HIVEP1: variants seen among roughly 807,000 people sequenced by gnomAD.
The protein encoded by HIVEP1 is zinc finger protein 40.
HIVEP1 carries 36 observed loss-of-function variants against 180.0 expected under a neutral mutation model. The ratio of observed to expected loss-of-function variants is 0.20; its 90% CI spans 0.15 to 0.26. The LOEUF (loss-of-function observed/expected upper bound fraction) is 0.26, where lower values mean the gene tolerates loss of function less well. HIVEP1 is among the 10% of genes least tolerant of loss of function. The probability of loss-of-function intolerance (pLI) is 1.00; values close to 1 mark genes in which losing one functional copy is unlikely to be tolerated. For synonymous variants in HIVEP1, 1,239 were observed against 1,239.0 expected, an observed-to-expected ratio of 1.00 and a Z score of 0.00; for missense variants, 3,143 against 3,268.7, an observed-to-expected ratio of 0.96 and a Z score of 0.94.
chr6:12,125,524 A>G lies in HIVEP1; in HGVS notation c.5729A>G (p.Gln1910Arg), dbSNP rs368064322. Residue 1910 changes from glutamine to arginine, a missense_variant, in exon 4 of 9, where the codon CAA becomes CGA. Around this residue, in one of 12 missense-constraint regions of HIVEP1, gnomAD observed 1,357 missense variants for 1,260.5 expected, o/e 1.08. Transcript: ENST00000379388. Reference protein sequence around the residue: ...VKNQGDKVNIQEQSQQPVTSL... With the variant: ...VKNQGDKVNIREQSQQPVTSL... ...AATCAAGGTGACAAAGTGAACATCC[A>G]AGAGCAAAGTCAACAGCCAGTCACT... 2.6e-5 allele frequency: 42 copies of G among 1,614,096 alleles called. No individual in the cohort carries two copies. The highest frequency in any genetic ancestry group is 3.3e-4 in the Middle Eastern group (2 of 6,084).
intron 2 of HIVEP1, among the ~76,000 whole-genome samples, chr6:12,079,088 C>T (rs1437097679): frequency 3.3e-5 from 5 of 152,134 alleles, no homozygotes; most frequent in Non-Finnish European, 7.4e-5. Flanking sequence ...CCATTCGCTA[C>T]ATCAGAAATC....
intron 2 of HIVEP1, among the ~76,000 whole-genome samples, chr6:12,057,225 AG>A (rs1417376081): frequency 2.0e-5 from 3 of 152,190 alleles, no homozygotes; most frequent in South Asian, 4.1e-4. Flanking sequence ...TAATGAATAT[AG>A]ATGCTATTGT....
At chr6:12,202,836 A>T in the HIVEP1 span, among the ~76,000 whole-genome samples, 4 of 152,196 alleles carry the variant, frequency 2.6e-5, no homozygotes, top group Admixed American at 6.5e-5. Context: ...ACGTGTCAGA[A>T]GAGTTACAGT....
intron 3 of HIVEP1, among the ~76,000 whole-genome samples, chr6:12,119,629 T>C (rs1031888621): frequency 1.3e-5 from 2 of 152,244 alleles, no homozygotes; most frequent in African/African-American, 4.8e-5. Context: ...TTCCAGGATG[T>C]TGATTATTCA....
chr6:12,092,907 C>T lies in HIVEP1; in HGVS notation c.94+3670C>T, dbSNP rs555808541. On this transcript the variant is annotated intron_variant, in intron 3 of 8. Coordinates refer to ENST00000379388, the MANE Select transcript of HIVEP1 (RefSeq NM_002114.4). ...GCAGCAAGCTCGTACAGGCTGAACT[C>T]GCAAGCAAAGTGAGAAATCACCTGA... Among the ~76,000 whole-genome samples the T allele has an allele frequency of 9.2e-5, 14 of 152,248 alleles. 1 individual carries two copies. Among genetic ancestry groups the T allele is most frequent in the Admixed American group, 1.3e-4 (2 of 15,286 alleles).
At chr6:12,083,147 AGT>A (rs374085523) in intron 2 of HIVEP1, among the ~76,000 whole-genome samples, 1 of 151,996 alleles carries the variant, frequency 6.6e-6, no homozygotes, top group Non-Finnish European at 1.5e-5. Flanking sequence ...ATGTCTGTCA[AGT>A]GTGTGTGTGT....
chr6:12,105,606 A>G (rs1581690596), intron 3 of HIVEP1, among the ~76,000 whole-genome samples: 1 of 152,368 alleles, frequency 6.6e-6, no homozygotes, highest in South Asian at 2.1e-4. Context: ...TAAGTCCCTT[A>G]TAAAAGTTCT....
At chr6:12,026,847 T>C (rs1217363291) in intron 2 of HIVEP1, among the ~76,000 whole-genome samples, 1 of 152,228 alleles carries the variant, frequency 6.6e-6, no homozygotes, top group Non-Finnish European at 1.5e-5. Context: ...AAGAGTAATA[T>C]GGCTTTGAGC....
At chr6:12,057,896 T>C (rs1480297238) in intron 2 of HIVEP1, among the ~76,000 whole-genome samples, 1 of 152,214 alleles carries the variant, frequency 6.6e-6, no homozygotes, top group Admixed American at 6.5e-5. Flanking sequence ...GGGAAGAACG[T>C]TTAGAGTAGC....
At chr6:12,074,305 A>G (rs1230983418) in intron 2 of HIVEP1, among the ~76,000 whole-genome samples, 1 of 152,194 alleles carries the variant, frequency 6.6e-6, no homozygotes, top group East Asian at 1.9e-4. Flanking sequence ...AGTTGTTAAA[A>G]ATAATTGGAT....
chr6:12,088,255 G>T (rs578124909), intron 2 of HIVEP1, among the ~76,000 whole-genome samples: 1 of 151,996 alleles, frequency 6.6e-6, no homozygotes, highest in Non-Finnish European at 1.5e-5. Context: ...GAGCTGATGC[G>T]TTTATTTAAA....
chr6:12,141,037 TGAGAA>T (rs1431899555), intron 7 of HIVEP1, among the ~76,000 whole-genome samples: 1 of 152,080 alleles, frequency 6.6e-6, no homozygotes, highest in African/African-American at 2.4e-5. Flanking sequence ...AGATACTCCT[TGAGAA>T]GAGCAACCGC....
chr6:12,143,923 G>A (rs190059557), intron 7 of HIVEP1, among the ~76,000 whole-genome samples: 42 of 152,288 alleles, frequency 2.8e-4, no homozygotes, highest in Admixed American at 1.2e-3. Flanking sequence ...CATGCTCATG[G>A]ATAGGAAGAA....
intron 2 of HIVEP1, among the ~76,000 whole-genome samples, chr6:12,072,167 C>T (rs1318011120): frequency 4.0e-5 from 6 of 151,864 alleles, no homozygotes; most frequent in Admixed American, 1.3e-4. Context: ...GACCATGGTG[C>T]TCTGTCCCCT....
At chr6:12,145,462 AC>A (rs1759314052) in intron 7 of HIVEP1, among the ~76,000 whole-genome samples, 1 of 151,386 alleles carries the variant, frequency 6.6e-6, no homozygotes, top group African/African-American at 2.4e-5. Flanking sequence ...GCACATGTAT[AC>A]CCTATGTAAC....
At chr6:12,013,479 A>G (rs2113554851) in intron 1 of HIVEP1, among the ~76,000 whole-genome samples, 1 of 152,296 alleles carries the variant, frequency 6.6e-6, no homozygotes. Context: ...ACAGCTAGGG[A>G]CAGTGGGTAG....
downstream of HIVEP1, among the ~76,000 whole-genome samples, chr6:12,165,566 T>C (rs529082219): frequency 1.3e-5 from 2 of 152,234 alleles, no homozygotes; most frequent in African/African-American, 2.4e-5. Flanking sequence ...TCCTGGAAGG[T>C]TGAACCATCC....
chr6:12,012,264 C>T (rs1767387787), upstream of HIVEP1: 2 of 146,820 alleles, frequency 1.4e-5, no homozygotes, highest in Non-Finnish European at 3.0e-5. Context: ...CCCCCCCGCC[C>T]CCCGGCCCGC....
chr6:12,036,996 A>G (rs1339758216), intron 2 of HIVEP1, among the ~76,000 whole-genome samples: 3 of 152,176 alleles, frequency 2.0e-5, no homozygotes, highest in Non-Finnish European at 2.9e-5. Flanking sequence ...GGAGTTGGCC[A>G]GATCATTTGG....
Sources: allele counts gnomAD v4.1 joint callset (sites outside exome capture counted in the v4.1 genomes callset), GRCh38; gene constraint gnomAD v4.1.1; regional missense constraint gnomAD v4.1.1; transcripts MANE v1.5; gene names NCBI Gene and HGNC (gene_info 2026-07-23, HGNC 2026-07-21).